ZNF589: variants seen among roughly 807,000 people sequenced by gnomAD.
The protein encoded by ZNF589 is KRAB-zinc finger protein SZF1-1.
ZNF589 carries 17 observed loss-of-function variants against 13.6 expected under a neutral mutation model. The ratio of observed to expected loss-of-function variants is 1.25; its 90% confidence interval spans 0.86 to 1.88. ZNF589 has a LOEUF of 1.88. Ranked by LOEUF, ZNF589 falls within the 40% of genes most tolerant of loss-of-function variation. The pLI, the probability that ZNF589 is intolerant of heterozygous loss-of-function variation, is 0.00. For missense variants in ZNF589, 407 were observed against 434.0 expected (o/e 0.94, Z 0.55); for synonymous variants, 148 against 161.6 (o/e 0.92, Z 0.64).
At chr3:48,243,899 A>G (rs1048458889) in intron 1 of ZNF589, among the ~76,000 whole-genome samples, 4 of 152,174 alleles carry the variant, frequency 2.6e-5, no homozygotes, top group African/African-American at 7.2e-5. Flanking sequence ...ACAGAGCTAG[A>G]AAGGTTCTTT....
At chr3:48,258,166 C>T (rs1179246416) in intron 2 of ZNF589, among the ~76,000 whole-genome samples, 1 of 152,044 alleles carries the variant, frequency 6.6e-6, no homozygotes, top group Non-Finnish European at 1.5e-5. Flanking sequence ...ACGTGCTTTG[C>T]CTCCCCATTT....
intron 2 of ZNF589, among the ~76,000 whole-genome samples, chr3:48,253,794 GC>G (rs1374713333): frequency 6.6e-6 from 1 of 152,154 alleles, no homozygotes; most frequent in Non-Finnish European, 1.5e-5. Flanking sequence ...GAGCCACCGT[GC>G]CCGGCGCTAG....
rs574789174 is a variant in ZNF589 at position 48,241,361 on chromosome 3, G to C, written c.43+147G>C. 2.1e-3 allele frequency: 2,153 copies of C among 1,014,780 alleles called. 4 individuals carry two copies. Among genetic ancestry groups the C allele is most frequent in the Non-Finnish European group, 2.7e-3 (1,890 of 704,760 alleles). 62.9% of individuals were successfully genotyped at this position (1,014,780 alleles called of 1,614,324 possible). A position where few individuals can be genotyped will look rare whatever the true frequency, so the allele number is the denominator to read the frequency against. The stretch of plus-strand genomic sequence containing the variant: ...CCCTACAGCGGCTCTTACTCCCCTG[G>C]GGGGCCAGGTTCCTCCCTAGGTGTC... On this transcript the variant is annotated intron_variant, in intron 1 of 3. Coordinates refer to ENST00000354698, the MANE Select transcript of ZNF589 (RefSeq NM_016089.3).
chr3:48,250,397 C>T (rs2033824989), intron 2 of ZNF589, among the ~76,000 whole-genome samples: 1 of 151,314 alleles, frequency 6.6e-6, no homozygotes, highest in Non-Finnish European at 1.5e-5. Flanking sequence ...AGCAGTCCTC[C>T]CCTCTTGGAC....
rs116229073 is a variant in ZNF589, at chr3:48,269,328, A to G, written c.*542A>G. ...ATAGCTCAGTCAACCCTCCACTACC[A>G]CCGGAGTACACACTCCAAGGAAAAA... On this transcript the variant is annotated 3_prime_UTR_variant, in exon 4 of 4. Coordinates refer to ENST00000354698, the MANE Select transcript of ZNF589 (RefSeq NM_016089.3). 863 of 1,283,848 alleles carry G rather than the reference A, an allele frequency of 6.7e-4. 9 individuals carry two copies. The African/African-American group carries it at 0.011, about 16-fold the overall frequency. The allele number at this position is 1,283,848 out of a possible 1,614,324, so 79.5% of individuals were successfully genotyped here.
chr3:48,269,933 C>T lies in ZNF589; in HGVS notation c.*1147C>T, dbSNP rs1415394928. The stretch of plus-strand genomic sequence containing the variant: ...GAGTCAAATCTATCCACTGTACGCC[C>T]ACCCCACTCTTGTTCTAAGAGCTTT... On this transcript the variant is annotated 3_prime_UTR_variant, in exon 4 of 4. Coordinates refer to ENST00000354698, the MANE Select transcript of ZNF589 (RefSeq NM_016089.3). 1 of 421,110 alleles carries T rather than the reference C, an allele frequency of 2.4e-6. No individual in the cohort carries two copies. The highest frequency in any genetic ancestry group is 2.0e-5 in the African/African-American group (1 of 49,010). The allele number at this position is 421,110 out of a possible 1,614,324, so 26.1% of individuals were successfully genotyped here.
At chr3:48,251,100 C>T (rs2033833530) in intron 2 of ZNF589, among the ~76,000 whole-genome samples, 1 of 152,146 alleles carries the variant, frequency 6.6e-6, no homozygotes, top group Non-Finnish European at 1.5e-5. Flanking sequence ...CAGTTCCATT[C>T]TCCCTGTGAA....
chr3:48,259,714 T>C (rs989471663), intron 2 of ZNF589, among the ~76,000 whole-genome samples: 85 of 152,084 alleles, frequency 5.6e-4, no homozygotes, highest in African/African-American at 2.0e-3. Flanking sequence ...AATTGGAGAC[T>C]AGCCTGGCCA....
intron 1 of ZNF589, among the ~76,000 whole-genome samples, chr3:48,242,137 A>G (rs2033705927): frequency 6.7e-6 from 1 of 148,824 alleles, no homozygotes; most frequent in Admixed American, 6.7e-5. Flanking sequence ...TTGGAGACAG[A>G]GTCTTGCTCT....
intron 3 of ZNF589, 36 bp downstream of exon 3, chr3:48,260,975 A>G: frequency 6.2e-7 from 1 of 1,611,148 alleles, no homozygotes; most frequent in Non-Finnish European, 8.5e-7. Flanking sequence ...TTTTCCATTC[A>G]AGTATTTACT....
At chr3:48,246,809 C>T (rs991889522) in intron 1 of ZNF589, among the ~76,000 whole-genome samples, 5 of 149,040 alleles carry the variant, frequency 3.4e-5, no homozygotes, top group Admixed American at 2.0e-4. Flanking sequence ...GCTGGGACTA[C>T]AGGTGCCCGC....
chr3:48,257,986 ATC>A (rs774458418), intron 2 of ZNF589: 5 of 443,258 alleles, frequency 1.1e-5, no homozygotes, highest in South Asian at 8.2e-5. Flanking sequence ...AGGTAGCGTG[ATC>A]TCTCTTACTT....
rs760053304 is a variant in ZNF589, at chr3:48,246,716, C to T, written c.44-909C>T. On this transcript the variant is annotated intron_variant, in intron 1 of 3. Coordinates refer to ENST00000354698, the MANE Select transcript of ZNF589 (RefSeq NM_016089.3). ...CGGAGTCTCGCTCTGTCGCCCAGGC[C>T]GGAGTGCAGTGGTGCGATCTCGGCA... Among the ~76,000 whole-genome samples, 72 of 152,084 alleles carry T rather than the reference C, an allele frequency of 4.7e-4. 2 individuals are homozygous for T. Among genetic ancestry groups the T allele is most frequent in the African/African-American group, 9.7e-5 (4 of 41,422 alleles).
chr3:48,260,177 A>C (rs2033955436), intron 2 of ZNF589, among the ~76,000 whole-genome samples: 1 of 152,052 alleles, frequency 6.6e-6, no homozygotes, highest in African/African-American at 2.4e-5. Flanking sequence ...CGCTCTGGTC[A>C]CCCAGGCTGG....
rs1312742964 is a variant in ZNF589, at chr3:48,268,865, G to C, written c.*79G>C. ...AGATGAGAAGCCTTTTGTTTGCAGA[G>C]AGTGTGGGCGAGGCTTTCGTGCTAA... On this transcript the variant is annotated 3_prime_UTR_variant, in exon 4 of 4. Coordinates refer to ENST00000354698, the MANE Select transcript of ZNF589 (RefSeq NM_016089.3). The C allele has an allele frequency of 3.3e-6, 5 of 1,527,024 alleles. No individual in the cohort carries two copies. The Admixed American group carries it at 1.0e-4, about 31-fold the overall frequency. The allele number at this position is 1,527,024 out of a possible 1,614,324, so 94.6% of individuals were successfully genotyped here.
In ZNF589 at chr3:48,260,566, G is replaced by A. The variant is rs564148652; in HGVS notation, c.97-247G>A. Reference sequence around the variant, plus strand: ...TGGGACTACAGGCGTGTGCTACCACGCCCAGCTAATTTTTGTATTTTTAGT... The same window carrying A: ...TGGGACTACAGGCGTGTGCTACCACACCCAGCTAATTTTTGTATTTTTAGT... On this transcript the variant is annotated intron_variant, in intron 2 of 3. Transcript: ENST00000354698. Among the ~76,000 whole-genome samples, 9 of 152,176 alleles carry A rather than the reference G, an allele frequency of 5.9e-5. No individual in the cohort carries two copies. In the East Asian group the frequency reaches 1.2e-3, roughly 20 times the overall value.
chr3:48,249,214 T>C (rs1157548099), intron 2 of ZNF589, among the ~76,000 whole-genome samples: 1 of 152,034 alleles, frequency 6.6e-6, no homozygotes, highest in Admixed American at 6.6e-5. Flanking sequence ...GCGATTCTCC[T>C]GCCTCAGCCT....
chr3:48,265,709 C>T lies in ZNF589; in HGVS notation c.224-2206C>T, dbSNP rs1271899346. On this transcript the variant is annotated intron_variant, in intron 3 of 3. Transcript: ENST00000354698. ...GCCTTCCTACTATTTAGTAGTTCTC[C>T]CTGTGAACTATTCACTAAAGTTTCT... Among the ~76,000 whole-genome samples the T allele has an allele frequency of 8.5e-5, 13 of 152,178 alleles. No individual in the cohort carries two copies. The East Asian group carries it at 1.9e-3, about 23-fold the overall frequency.
intron 2 of ZNF589, among the ~76,000 whole-genome samples, chr3:48,252,708 G>A (rs1040383840): frequency 3.8e-5 from 5 of 131,292 alleles, no homozygotes; most frequent in African/African-American, 1.4e-4. Context: ...TGCAGGCTCC[G>A]CCCCCTGGGG....
Sources: gnomAD v4.1 joint callset for allele counts (sites outside exome capture counted in the v4.1 genomes callset) on GRCh38, gnomAD v4.1.1 for gene constraint, MANE v1.5 for transcripts, NCBI Gene and HGNC (gene_info 2026-07-23, HGNC 2026-07-21) for gene names.